UPF2: variants seen among roughly 807,000 people sequenced by gnomAD.
UPF2 encodes regulator of nonsense transcripts 2.
A neutral mutation model predicts 141.4 loss-of-function variants in UPF2; 17 were observed. The ratio of observed to expected loss-of-function variants is 0.12; its 90% CI spans 0.08 to 0.18. The LOEUF (loss-of-function observed/expected upper bound fraction) is 0.18, where lower values mean the gene tolerates loss of function less well. UPF2 is among the 10% of genes least tolerant of loss of function. The probability of loss-of-function intolerance (pLI) is 1.00; values close to 1 mark genes in which losing one functional copy is unlikely to be tolerated. For synonymous variants in UPF2, 540 were observed against 498.0 expected, an observed-to-expected ratio of 1.08 and a Z score of -1.12; for missense variants, 1,152 against 1,515.9, an observed-to-expected ratio of 0.76 and a Z score of 3.99.
chr10:12,021,379 A>AAAAAAAAT lies in UPF2; in HGVS notation c.1146-7196_1146-7195insATTTTTTT, dbSNP rs112914825. Among the ~76,000 whole-genome samples the AAAAAAAAT allele has an allele frequency of 2.1e-3, 314 of 147,246 alleles. 2 individuals carry two copies. The highest frequency in any genetic ancestry group is 4.5e-3 in the African/African-American group (180 of 39,932). ...ACCAAGTCTCTACAAAAAAAAAAAA[A>AAAAAAAAT]TTTTTTTAAATTAGCCAGGTGTGGT... On this transcript the variant is annotated intron_variant, in intron 3 of 21. Transcript: ENST00000357604.
chr10:11,983,519 C>T (rs558056493), intron 8 of UPF2, among the ~76,000 whole-genome samples: 28 of 151,986 alleles, frequency 1.8e-4, no homozygotes, highest in African/African-American at 6.0e-4. Context: ...ACTACCAGCG[C>T]GTGCTATCAT....
At position 11,992,571 on chromosome 10, in the gene UPF2, T is replaced by C. The variant is rs538124912; in HGVS notation, c.1844+5101A>G. Among the ~76,000 whole-genome samples the C allele has an allele frequency of 6.6e-6, 1 of 152,050 alleles. No homozygotes were observed. The highest frequency in any genetic ancestry group is 2.4e-5 in the African/African-American group (1 of 41,472). On this transcript the variant is annotated intron_variant, in intron 8 of 21. Transcript: ENST00000357604. The surrounding 1 kb of genome is among the most constrained non-coding windows in gnomAD (Gnocchi z 4.1). ...CTTCCTAAAACCAAGAAACATACACTCATGCGTGCACACTAAATTAAAAAA... is the reference window on the plus strand; with the variant it reads ...CTTCCTAAAACCAAGAAACATACACCCATGCGTGCACACTAAATTAAAAAA...
At chr10:11,984,921 C>T (rs1179894689) in intron 8 of UPF2, among the ~76,000 whole-genome samples, 6 of 152,032 alleles carry the variant, frequency 3.9e-5, no homozygotes, top group Non-Finnish European at 8.8e-5. Context: ...ACATGGTGGC[C>T]AGGCTGATCT....
chr10:12,022,343 C>T (rs371184570), intron 3 of UPF2, among the ~76,000 whole-genome samples: 1 of 145,368 alleles, frequency 6.9e-6, no homozygotes, highest in South Asian at 2.2e-4. Flanking sequence ...ACCTGGGAGG[C>T]GGAGGTTGCA....
chr10:11,985,900 T>G (rs1833682717), intron 8 of UPF2, among the ~76,000 whole-genome samples: 1 of 118,068 alleles, frequency 8.5e-6, no homozygotes, highest in African/African-American at 3.8e-5. Flanking sequence ...TTTTTTTTTT[T>G]GTGAGACGGA....
rs193130575 is a variant in UPF2 at position 11,999,037 on chromosome 10, A to C, written c.1758+869T>G. ...AAGACTCCACTCAAAAAAAAAAAAA[A>C]AAACTCATTTGTATGGACTCAACAA... On this transcript the variant is annotated intron_variant, in intron 7 of 21. Transcript: ENST00000357604. 4.9e-3 allele frequency among the ~76,000 whole-genome samples: 738 copies of C among 151,676 alleles called. 19 individuals carry two copies. The highest frequency in any genetic ancestry group is 0.011 in the East Asian group (59 of 5,150).
intron 8 of UPF2, among the ~76,000 whole-genome samples, chr10:11,996,172 T>C (rs1362725094): frequency 6.6e-6 from 1 of 152,198 alleles, no homozygotes; most frequent in Non-Finnish European, 1.5e-5. Flanking sequence ...TAACGAATTA[T>C]TTAATGAATG....
At chr10:11,997,545 A>G (rs983865217) in intron 8 of UPF2, 127 bp downstream of exon 8, 33 of 697,110 alleles carry the variant, frequency 4.7e-5, no homozygotes, top group Non-Finnish European at 6.8e-5. Context: ...AAAATATGCT[A>G]ATAATGCTAA....
At chr10:11,934,719 A>G (rs1203110898) in intron 19 of UPF2, among the ~76,000 whole-genome samples, 1 of 152,134 alleles carries the variant, frequency 6.6e-6, no homozygotes, top group East Asian at 1.9e-4. Context: ...CCTCCTGAGT[A>G]GCTGGGATTA....
intron 16 of UPF2, among the ~76,000 whole-genome samples, chr10:11,947,150 C>T (rs999194920): frequency 5.3e-5 from 8 of 152,230 alleles, no homozygotes; most frequent in East Asian, 1.9e-4. Flanking sequence ...TACGGTGAGC[C>T]GAGATCATGC....
At chr10:11,960,869 A>G (rs1339281631) in intron 11 of UPF2, among the ~76,000 whole-genome samples, 3 of 152,102 alleles carry the variant, frequency 2.0e-5, no homozygotes, top group African/African-American at 7.2e-5. Flanking sequence ...AGACAAGAGG[A>G]TCACTTGAGG....
At chr10:12,037,700 GT>G (rs988257078) in intron 1 of UPF2, among the ~76,000 whole-genome samples, 4 of 150,186 alleles carry the variant, frequency 2.7e-5, no homozygotes, top group Admixed American at 6.6e-5. Context: ...CCAGCCCTTC[GT>G]TTTTTTTTAT....
chr10:11,997,006 T>C (rs989404817), intron 8 of UPF2, among the ~76,000 whole-genome samples: 9 of 152,204 alleles, frequency 5.9e-5, no homozygotes, highest in Non-Finnish European at 1.3e-4. Context: ...TATTTAATTA[T>C]TTATTGTTGA....
chr10:12,037,402 CTTTTTT>C (rs59226793), intron 1 of UPF2, among the ~76,000 whole-genome samples: 2 of 122,294 alleles, frequency 1.6e-5, no homozygotes, highest in East Asian at 2.4e-4. Flanking sequence ...TTTTGTTTTT[CTTTTTT>C]TTTTTTTTTT....
intron 5 of UPF2, 52 bp downstream of exon 5, chr10:12,004,478 T>A (rs1199533222): frequency 2.1e-5 from 30 of 1,410,672 alleles, no homozygotes; most frequent in Non-Finnish European, 2.6e-5. Context: ...AATACTATTT[T>A]GAAGCTAATT....
chr10:11,990,708 A>T (rs1833765009), intron 8 of UPF2, among the ~76,000 whole-genome samples: 1 of 146,448 alleles, frequency 6.8e-6, no homozygotes, highest in African/African-American at 2.5e-5. Flanking sequence ...AAACCTGTTG[A>T]CCAGGCCCAG....
chr10:12,028,595 T>C lies in UPF2; in HGVS notation c.1145+150A>G, dbSNP rs889222385. The C allele has an allele frequency of 6.8e-6, 5 of 733,436 alleles. No individual in the cohort carries two copies. In the African/African-American group the frequency reaches 7.1e-5, roughly 10 times the overall value. The allele number at this position is 733,436 out of a possible 1,614,324, so 45.4% of individuals were successfully genotyped here. ...CACATTAAAACATGAGTACTCAGAC[T>C]GTTCTACTTTGAAATTTTCCTGGAA... is the stretch of plus-strand genomic sequence containing the variant. On this transcript the variant is annotated intron_variant, in intron 3 of 21. Transcript: ENST00000357604.
intron 1 of UPF2, among the ~76,000 whole-genome samples, chr10:12,037,554 C>A (rs1834654694): frequency 6.6e-6 from 1 of 151,770 alleles, no homozygotes. Flanking sequence ...TGCCATCACA[C>A]TCAGCTAATT....
At chr10:11,984,876 C>G (rs1457594786) in intron 8 of UPF2, among the ~76,000 whole-genome samples, 1 of 152,154 alleles carries the variant, frequency 6.6e-6, no homozygotes, top group Non-Finnish European at 1.5e-5. Flanking sequence ...CCATGCCCGG[C>G]TAATTTTTGT....
Sources: gnomAD v4.1 joint callset for allele counts (sites outside exome capture counted in the v4.1 genomes callset) on GRCh38, gnomAD v4.1.1 for gene constraint, Gnocchi (gnomAD v3.1) non-coding constraint, MANE v1.5 for transcripts, NCBI Gene and HGNC (gene_info 2026-07-23, HGNC 2026-07-21) for gene names.